DNAI3: variants seen among roughly 807,000 people sequenced by gnomAD.
The protein encoded by DNAI3 is WD repeat domain 63.
Under a neutral mutation model 115.5 loss-of-function variants are expected in DNAI3, and 83 were observed. That is an observed-to-expected ratio of 0.72 (90% confidence interval 0.60 to 0.86). The LOEUF is 0.86. DNAI3 is among the 40% of genes least tolerant of loss of function. The pLI is 0.00. For missense variants in DNAI3, 1,004 were observed against 1,075.8 expected (o/e 0.93, Z 0.93); for synonymous variants, 320 against 347.0 (o/e 0.92, Z 0.86).
rs1317422123 is a variant in DNAI3, at chr1:85,087,537, A to C, written c.740+1507A>C. ...TATTTTTCTCCACTGTGCCATAATC[A>C]CTTGATTTGTGTTTTTCGTCATCTC... On this transcript the variant is annotated intron_variant, in intron 7 of 22. Coordinates refer to ENST00000294664, the MANE Select transcript of DNAI3 (RefSeq NM_145172.5). Among the ~76,000 whole-genome samples the C allele has an allele frequency of 2.7e-5, 4 of 150,602 alleles. No individual in the cohort carries two copies. The East Asian group carries it at 7.7e-4, about 29-fold the overall frequency.
rs998288763 is a variant in DNAI3 at position 85,127,090 on chromosome 1, G to C, written c.2317+375G>C. Among the ~76,000 whole-genome samples the C allele has an allele frequency of 1.4e-4, 21 of 152,070 alleles. 1 individual carries two copies. The highest frequency in any genetic ancestry group is 9.8e-4 in the Admixed American group (15 of 15,270). ...ACCCGGATCTTTGTTATCTTTTGCT[G>C]ATTTTTTTTCCCAGATAGAATAAAT... On this transcript the variant is annotated intron_variant, in intron 20 of 22. Transcript: ENST00000294664.
chr1:85,091,259 A>G (rs1212298053), intron 8 of DNAI3, among the ~76,000 whole-genome samples: 2 of 152,236 alleles, frequency 1.3e-5, no homozygotes, highest in African/African-American at 2.4e-5. Context: ...TATAATCAAT[A>G]TCCAGAGAAA....
At chr1:85,127,850 T>C (rs79891549) in intron 20 of DNAI3, among the ~76,000 whole-genome samples, 8,730 of 152,138 alleles carry the variant, frequency 0.057, 284 homozygotes, top group East Asian at 0.15. Flanking sequence ...CATGGTGGCT[T>C]ACACCTCTAA....
Position 85,132,968 on chromosome 1 carries a change from A to G in DNAI3, c.2646A>G (p.Thr882=), listed in dbSNP as rs773423844. ...TCAACCTTGGCCTAATCAAAGTCAC[A>G]GAGAAGGGGTCATACATGGAGGTGA... ...VLINLGLIKV[T]EKGSYMEVM Residue 882 remains threonine, a synonymous_variant, in exon 23 of 23, where the codon ACA becomes ACG. Transcript: ENST00000294664. 3 of 1,613,688 alleles carry G rather than the reference A, an allele frequency of 1.9e-6. No individual in the cohort carries two copies. The Admixed American group carries it at 5.0e-5, about 27-fold the overall frequency.
intron 13 of DNAI3, among the ~76,000 whole-genome samples, chr1:85,103,931 A>T (rs550078898): frequency 5.8e-4 from 84 of 143,898 alleles, no homozygotes; most frequent in African/African-American, 2.0e-3. Flanking sequence ...TAATAATAAT[A>T]ATTTATGAAT....
At chr1:85,121,623 AT>A in intron 17 of DNAI3, 127 bp from the exon 18 acceptor site, 1 of 809,672 alleles carries the variant, frequency 1.2e-6, no homozygotes, top group East Asian at 2.6e-5. Flanking sequence ...ACTGGATCAA[AT>A]TACTTGATTA....
intron 13 of DNAI3, among the ~76,000 whole-genome samples, chr1:85,101,669 A>C (rs933850068): frequency 7.6e-6 from 1 of 130,974 alleles, no homozygotes; most frequent in Non-Finnish European, 1.6e-5. Context: ...CGGAGCTTGC[A>C]GTGAGCCGAG....
chr1:85,090,683 CTT>C (rs943407096), intron 8 of DNAI3, among the ~76,000 whole-genome samples: 12 of 152,286 alleles, frequency 7.9e-5, no homozygotes, highest in Admixed American at 4.6e-4. Flanking sequence ...ACATTTCACT[CTT>C]ATCACCAATT....
intron 11 of DNAI3, among the ~76,000 whole-genome samples, chr1:85,096,534 ATATATG>A (rs1655132489): frequency 7.0e-6 from 1 of 143,014 alleles, no homozygotes; most frequent in Non-Finnish European, 1.5e-5. Flanking sequence ...TTATATATAT[ATATATG>A]TATCTCAATA....
intron 19 of DNAI3, 148 bp downstream of exon 19, chr1:85,124,399 A>G: frequency 9.4e-7 from 1 of 1,066,532 alleles, no homozygotes; most frequent in Non-Finnish European, 1.4e-6. Context: ...GCTTGTCAGC[A>G]GAACCACTGT....
chr1:85,063,700 T>C (rs904225962), intron 1 of DNAI3, among the ~76,000 whole-genome samples: 4 of 152,322 alleles, frequency 2.6e-5, no homozygotes, highest in Admixed American at 6.5e-5. Flanking sequence ...AAAGTCATTA[T>C]ACAGGGAAGA....
chr1:85,084,678 AC>A lies in DNAI3; in HGVS notation c.524del (p.Thr175ArgfsTer10). 6.5e-7 allele frequency: 1 copy of A among 1,533,214 alleles called. No individual in the cohort carries two copies. 95.0% of individuals were successfully genotyped at this position (1,533,214 alleles called of 1,614,324 possible). A position where few individuals can be genotyped will look rare whatever the true frequency, so the allele number is the denominator to read the frequency against. On this transcript the variant is annotated frameshift_variant, in exon 6 of 23. Transcript: ENST00000294664. LOFTEE classifies it high-confidence loss of function. ...AAAAGAAATTGAGGAAGAATCAGTT[AC>A]GGAATCTACAAAGCAGGTTAGAGGG... ...SEKEIEEESVTESTKQITYMI... is the reference protein window; with the variant it reads ...SEKEIEEESVXESTKQITYMI...
At position 85,099,015 on chromosome 1, in the gene DNAI3, C is replaced by T. The variant is rs537691422; in HGVS notation, c.1479+357C>T. On this transcript the variant is annotated intron_variant, in intron 13 of 22. Transcript: ENST00000294664. ...ATCTCAGATATCTGGGGGAAGGGAA[C>T]CCTAAAGATCTGTGGCATACCATGT... 1.1e-4 allele frequency among the ~76,000 whole-genome samples: 16 copies of T among 152,224 alleles called. 1 individual carries two copies. Among genetic ancestry groups the T allele is most frequent in the African/African-American group, 3.6e-4 (15 of 41,542 alleles).
intron 22 of DNAI3, 128 bp from the exon 23 acceptor site, chr1:85,132,727 G>C: frequency 8.5e-7 from 1 of 1,170,624 alleles, no homozygotes; most frequent in Non-Finnish European, 1.2e-6. Flanking sequence ...CTGCCTTCCT[G>C]CCCTCCATCC....
At chr1:85,106,085 A>T (rs817599) in intron 14 of DNAI3, among the ~76,000 whole-genome samples, 1 of 152,168 alleles carries the variant, frequency 6.6e-6, no homozygotes, top group South Asian at 2.1e-4. Context: ...GGTTTCAGTG[A>T]GCCGAGATCA....
At chr1:85,097,733 A>G (rs757225579) in intron 12 of DNAI3, 78 bp downstream of exon 12, 35 of 1,279,482 alleles carry the variant, frequency 2.7e-5, no homozygotes, top group Non-Finnish European at 3.6e-5. Context: ...ATAGTTGCCA[A>G]GGCTAATAAA....
rs1219472144 is a variant in DNAI3, at chr1:85,126,501, T to G, written c.2113-10T>G. The G allele has an allele frequency of 6.3e-7, 1 of 1,593,378 alleles. No homozygotes were observed. The highest frequency in any genetic ancestry group is 8.5e-7 in the Non-Finnish European group (1 of 1,171,494). ...CTTCTTTATTTGTCTTTTTAAAAAT[T>G]TGTTTAAAGACTGGACCGCTCCTTC... is the stretch of plus-strand genomic sequence containing the variant. On this transcript the variant is annotated splice_polypyrimidine_tract_variant and intron_variant, in intron 19 of 22. Transcript: ENST00000294664.
chr1:85,100,146 TC>T (rs1482471181), intron 13 of DNAI3, among the ~76,000 whole-genome samples: 3 of 152,106 alleles, frequency 2.0e-5, no homozygotes, highest in Non-Finnish European at 4.4e-5. Flanking sequence ...CTAAAGAGCT[TC>T]TGCAAAGCAA....
intron 8 of DNAI3, among the ~76,000 whole-genome samples, chr1:85,092,794 TACAC>T (rs58308443): frequency 0.032 from 4,692 of 145,286 alleles, 155 homozygotes; most frequent in East Asian, 0.095. Context: ...CAACTAAAAC[TACAC>T]ACACACACAC....
Sources: gnomAD v4.1 joint callset for allele counts (sites outside exome capture counted in the v4.1 genomes callset) on GRCh38, gnomAD v4.1.1 for gene constraint, MANE v1.5 for transcripts, NCBI Gene and HGNC (gene_info 2026-07-23, HGNC 2026-07-21) for gene names.